Variants in SH2D5 observed in about 807,000 individuals in gnomAD.
SH2D5 encodes SH2 domain-containing protein 5.
In SH2D5, 45 loss-of-function variants were observed where a neutral mutation model predicts 48.2. That is an observed-to-expected ratio of 0.93 (90% CI 0.73 to 1.20). The LOEUF is 1.20. Among genes scored for constraint, SH2D5 ranks in the 50% most tolerant of loss-of-function variants. SH2D5 has a pLI of 0.00. For missense variants in SH2D5, 538 were observed against 584.1 expected, an observed-to-expected ratio of 0.92 and a Z score of 0.81; for synonymous variants, 230 against 249.8, an observed-to-expected ratio of 0.92 and a Z score of 0.75.
Position 20,724,181 on chromosome 1 carries a change from A to C in SH2D5, c.701T>G (p.Leu234Arg). ...RLGNPYCSPT[L>R]VRKKAIRSKV... is the part of the protein sequence containing the mutation. ...GCTGCGAATGGCCTTCTTGCGCACC[A>C]GCGTGGGCGAGCAGTAGGGATTCCC... The change falls in exon 7 of 10, where the codon CTG (leucine) becomes CGG (arginine). Residue 234 changes from leucine (L) to arginine (R), a missense_variant. By Grantham distance (102) the Leu-to-Arg change is moderately radical. Transcript: ENST00000444387. The C allele has an allele frequency of 1.2e-6, 2 of 1,612,958 alleles. No individual in the cohort carries two copies. Among genetic ancestry groups the C allele is most frequent in the Non-Finnish European group, 1.7e-6 (2 of 1,179,996 alleles).
In SH2D5 at chr1:20,727,005, C is replaced by T. The variant is rs750889075; in HGVS notation, c.239G>A (p.Gly80Asp). 2.5e-6 allele frequency: 4 copies of T among 1,610,542 alleles called. No homozygotes were observed. The highest frequency in any genetic ancestry group is 4.5e-5 in the East Asian group (2 of 44,864). Residue 80 changes from glycine to aspartate, a missense_variant, in exon 4 of 10, where the codon GGT (glycine) becomes GAT (aspartate). Coordinates refer to ENST00000444387, the MANE Select transcript of SH2D5 (RefSeq NM_001103161.2). ...LQGLKIYSGE[G>D]EVLLMAHALR... Reference sequence around the variant, plus strand: ...TGCACCCACAGGGGTTCCTACCTCACCCTCCCCGCTGTAGATCTTGAGACC... The same window carrying T: ...TGCACCCACAGGGGTTCCTACCTCATCCTCCCCGCTGTAGATCTTGAGACC...
rs1243358462 is a variant in SH2D5 at position 20,721,649 on chromosome 1, GGACAGT to G, written c.*137_*142del. The G allele has an allele frequency of 1.5e-5, 11 of 743,046 alleles. No individual in the cohort carries two copies. The highest frequency in any genetic ancestry group is 2.3e-5 in the Non-Finnish European group (11 of 485,574). The allele number at this position is 743,046 out of a possible 1,614,324, so 46.0% of individuals were successfully genotyped here. A position where few individuals can be genotyped will look rare whatever the true frequency, so the allele number is the denominator to read the frequency against. ...CCCACCCTCAGGGCTCCCCTCCCAC[GGACAGT>G]GACGCGATGGAAGACTGCTCCAAGG... On this transcript the variant is annotated 3_prime_UTR_variant, in exon 10 of 10. Coordinates refer to ENST00000444387, the MANE Select transcript of SH2D5 (RefSeq NM_001103161.2).
chr1:20,720,175 G>A lies in SH2D5; in HGVS notation c.*1617C>T, dbSNP rs562200691. Reference sequence around the variant, plus strand: ...AGACCAGTGGTTTGTCCAGGCTCCAGTACAGATGGCTGTAAAACAGAGTCC... The same window carrying A: ...AGACCAGTGGTTTGTCCAGGCTCCAATACAGATGGCTGTAAAACAGAGTCC... On this transcript the variant is annotated 3_prime_UTR_variant, in exon 10 of 10. Transcript: ENST00000444387. The A allele has an allele frequency of 6.6e-6, 1 of 152,420 alleles. No individual in the cohort carries two copies. The highest frequency in any genetic ancestry group is 2.1e-4 in the South Asian group (1 of 4,834). 9.4% of individuals were successfully genotyped at this position (152,420 alleles called of 1,614,324 possible).
At position 20,727,091 on chromosome 1, in the gene SH2D5, T is replaced by C. The variant is rs755279030; in HGVS notation, c.169-16A>G. On this transcript the variant is annotated splice_polypyrimidine_tract_variant and intron_variant, in intron 3 of 9. Transcript: ENST00000444387. ...GGGGACAGTCCTGGGTGGAAAAGAG[T>C]AGTGGGGACAGGCACCACCTCCCAG... is the stretch of plus-strand genomic sequence containing the variant. 2 of 1,602,996 alleles carry C rather than the reference T, an allele frequency of 1.2e-6. No homozygotes were observed. Among genetic ancestry groups the C allele is most frequent in the East Asian group, 2.2e-5 (1 of 44,454 alleles).
rs1475327529 is a variant in SH2D5, at chr1:20,727,954, C to A, written c.87+4G>T. On this transcript the variant is annotated splice_donor_region_variant and intron_variant, in intron 2 of 9. Coordinates refer to ENST00000444387, the MANE Select transcript of SH2D5 (RefSeq NM_001103161.2). Reference sequence around the variant, plus strand: ...GCACACCTGGACAGGGTGGCCCCACCCACCTGGGCAAACTTGGTGATGCAC... The same window carrying A: ...GCACACCTGGACAGGGTGGCCCCACACACCTGGGCAAACTTGGTGATGCAC... 1.0e-5 allele frequency: 16 copies of A among 1,567,396 alleles called. No homozygotes were observed. The highest frequency in any genetic ancestry group is 1.4e-5 in the Non-Finnish European group (16 of 1,155,958).
At chr1:20,725,889 G>A (rs1201181942) in intron 5 of SH2D5, 31 bp downstream of exon 5, 8 of 1,609,790 alleles carry the variant, frequency 5.0e-6, no homozygotes, top group South Asian at 1.1e-5. Flanking sequence ...TCCGGCCTCC[G>A]TGGCGGTCCC....
Position 20,727,503 on chromosome 1 carries a change from T to G in SH2D5, c.168+20A>C. The G allele has an allele frequency of 6.3e-7, 1 of 1,584,384 alleles. No homozygotes were observed. The highest frequency in any genetic ancestry group is 1.2e-5 in the South Asian group (1 of 86,550). ...AAGGCTGTGACTTCCACTAGGGAAG[T>G]GCCCTCCCAGGCCACCCACCTTCAG... On this transcript the variant is annotated intron_variant, in intron 3 of 9. Coordinates refer to ENST00000444387, the MANE Select transcript of SH2D5 (RefSeq NM_001103161.2).
At position 20,728,152 on chromosome 1, in the gene SH2D5, C is replaced by T. The variant is rs1239129882; in HGVS notation, c.-42-66G>A. ...CAAGCCACAGAGTGCCCCCCACAGG[C>T]CATTCATTCACTGGCTTCCTGAGCA... On this transcript the variant is annotated intron_variant, in intron 1 of 9. Coordinates refer to ENST00000444387, the MANE Select transcript of SH2D5 (RefSeq NM_001103161.2). This position sits in a 1 kb window ranked among gnomAD's most constrained non-coding sequence, Gnocchi z 4.3. The T allele has an allele frequency of 4.1e-6, 3 of 739,298 alleles. No homozygotes were observed. Among genetic ancestry groups the T allele is most frequent in the African/African-American group, 3.5e-5 (2 of 57,022 alleles). 45.8% of individuals were successfully genotyped at this position (739,298 alleles called of 1,614,324 possible). A position where few individuals can be genotyped will look rare whatever the true frequency, so the allele number is the denominator to read the frequency against.
Position 20,724,453 on chromosome 1 carries a change from G to C in SH2D5, c.573C>G (p.Asn191Lys). 6.2e-7 allele frequency: 1 copy of C among 1,612,992 alleles called. No individual in the cohort carries two copies. The highest frequency in any genetic ancestry group is 1.3e-5 in the African/African-American group (1 of 75,076). Residue 191 changes from asparagine (N) to lysine (K), a missense_variant, in exon 6 of 10, where the codon AAC becomes AAG. By Grantham distance (94) the Asn-to-Lys change is moderately conservative. Transcript: ENST00000444387. ...GCCGAAAGGAGACCAGGGCATGGAC[G>C]TTCTGAGAGAGCTGATCACGGCCGA... ...EPFGRDQLSQNVHALVSFRRL... is the reference protein window; with the variant it reads ...EPFGRDQLSQKVHALVSFRRL...
chr1:20,723,230 C>T (rs961026793), intron 8 of SH2D5, among the ~76,000 whole-genome samples: 12 of 152,236 alleles, frequency 7.9e-5, no homozygotes, highest in African/African-American at 2.7e-4. Flanking sequence ...AACATGGGGT[C>T]TGACTCAGAG....
At position 20,722,545 on chromosome 1, in the gene SH2D5, T is replaced by C. The variant is rs371062940; in HGVS notation, c.1068+211A>G. ...TGGGGCCAAGTGGGCCAGCTGGGGG[T>C]GAGGCCAGCAGGGCCAATGAGGAAG... is the stretch of plus-strand genomic sequence containing the variant. On this transcript the variant is annotated intron_variant, in intron 9 of 9. Coordinates refer to ENST00000444387, the MANE Select transcript of SH2D5 (RefSeq NM_001103161.2). Among the ~76,000 whole-genome samples the C allele has an allele frequency of 3.2e-4, 48 of 151,434 alleles. No individual in the cohort carries two copies. In the East Asian group the frequency reaches 4.5e-3, roughly 14 times the overall value.
intron 9 of SH2D5, 74 bp downstream of exon 9, chr1:20,722,682 G>T (rs1430348357): frequency 2.3e-5 from 32 of 1,365,216 alleles, no homozygotes; most frequent in Non-Finnish European, 2.6e-5. Context: ...GTTAGAAAAG[G>T]GCAGGCAGGA....
At chr1:20,731,997 C>T (rs2054919464) in intron 1 of SH2D5, among the ~76,000 whole-genome samples, 184 bp downstream of exon 1, 1 of 151,610 alleles carries the variant, frequency 6.6e-6, no homozygotes, top group African/African-American at 2.4e-5. Context: ...TCCCGGCGCT[C>T]GCTCACCGCC....
At chr1:20,724,057 A>G in intron 7 of SH2D5, 26 bp downstream of exon 7, 4 of 1,598,800 alleles carry the variant, frequency 2.5e-6, no homozygotes, top group Non-Finnish European at 3.4e-6. Flanking sequence ...AGGTACACAC[A>G]GGGCAGGCAT....
At chr1:20,730,451 T>A (rs1425659664) in intron 1 of SH2D5, among the ~76,000 whole-genome samples, 1 of 152,118 alleles carries the variant, frequency 6.6e-6, no homozygotes, top group Non-Finnish European at 1.5e-5. Flanking sequence ...GCTTTCAGCG[T>A]CCCCAGTGTC....
intron 2 of SH2D5, 125 bp downstream of exon 2, chr1:20,727,833 C>G (rs1048569783): frequency 8.5e-6 from 8 of 944,650 alleles, no homozygotes; most frequent in African/African-American, 3.2e-5. Flanking sequence ...CACACACTCC[C>G]CAGCCCAAGT....
Position 20,728,186 on chromosome 1 carries a change from G to A in SH2D5, c.-42-100C>T. On this transcript the variant is annotated intron_variant, in intron 1 of 9. Coordinates refer to ENST00000444387, the MANE Select transcript of SH2D5 (RefSeq NM_001103161.2). The surrounding 1 kb of genome is among the most constrained non-coding windows in gnomAD (Gnocchi z 4.3). ...CACTGGCTTCCTGAGCAGCTGCTAT[G>A]TGTGCAGCACGGCTGCGCAATGTCC... The A allele has an allele frequency of 1.6e-6, 1 of 638,808 alleles. No individual in the cohort carries two copies. Among genetic ancestry groups the A allele is most frequent in the Non-Finnish European group, 2.7e-6 (1 of 366,440 alleles). 39.6% of individuals were successfully genotyped at this position (638,808 alleles called of 1,614,324 possible).
At chr1:20,725,834 G>A in intron 5 of SH2D5, 86 bp downstream of exon 5, 2 of 1,538,784 alleles carry the variant, frequency 1.3e-6, no homozygotes, top group Non-Finnish European at 1.8e-6. Flanking sequence ...GGCCGCCCTG[G>A]CAAAGCCCTC....
intron 8 of SH2D5, among the ~76,000 whole-genome samples, chr1:20,723,262 T>A (rs939296171): frequency 6.6e-6 from 1 of 152,134 alleles, no homozygotes; most frequent in Non-Finnish European, 1.5e-5. Context: ...AGAAAGAAGC[T>A]TTTAGAAGCT....
Sources: allele counts gnomAD v4.1 joint callset (sites outside exome capture counted in the v4.1 genomes callset), GRCh38; gene constraint gnomAD v4.1.1; non-coding constraint Gnocchi (gnomAD v3.1); transcripts MANE v1.5; gene names NCBI Gene and HGNC (gene_info 2026-07-23, HGNC 2026-07-21).